Variants in ABCC6 observed in about 807,000 individuals in gnomAD.
ABCC6 encodes ATP-binding cassette sub-family C member 6.
ABCC6 carries 126 observed loss-of-function variants against 169.5 expected under a neutral mutation model. The ratio of observed to expected loss-of-function variants is 0.74; its 90% CI spans 0.64 to 0.86. The LOEUF (loss-of-function observed/expected upper bound fraction) is 0.86. Ranked by LOEUF, ABCC6 falls within the 40% of genes least tolerant of loss-of-function variation. The probability of loss-of-function intolerance (pLI) is 0.00; values close to 1 mark genes in which losing one functional copy is unlikely to be tolerated. For synonymous variants in ABCC6, 752 were observed against 814.7 expected (o/e 0.92, Z 1.31); for missense variants, 1,733 against 1,927.2 (o/e 0.90, Z 1.89).
At chr16:16,167,996 C>A (rs1441565890) in intron 22 of ABCC6, among the ~76,000 whole-genome samples, 1 of 152,180 alleles carries the variant, frequency 6.6e-6, no homozygotes, top group Non-Finnish European at 1.5e-5. Context: ...GTTAAGTAAC[C>A]ATTCGCCTTG....
intron 22 of ABCC6, among the ~76,000 whole-genome samples, chr16:16,167,493 G>A (rs1001181782): frequency 1.3e-5 from 2 of 152,030 alleles, no homozygotes; most frequent in Admixed American, 6.6e-5. Flanking sequence ...ATTTTCAGAC[G>A]GAGTCCTGCT....
rs1567543413 is a variant in ABCC6, at chr16:16,214,356, G to A, written c.568C>T (p.Pro190Ser). ...TGGGGGTCTTCAGGGAAGAAGGGGG[G>A]TTGATCCGCCAGGCAGGACAGCACA... is the stretch of plus-strand genomic sequence containing the variant. ...QFVLSCLADQ[P>S]PFFPEDPQQS... Residue 190 changes from proline (P) to serine (S), a missense_variant, in exon 5 of 31, where the codon CCC (proline) becomes TCC (serine). Physicochemically the swap from Pro to Ser is moderately conservative, Grantham distance 74. This residue lies in a region of ABCC6 where 49 missense variants were observed against 85.8 expected (regional missense o/e 0.57). Transcript: ENST00000205557. The A allele has an allele frequency of 1.9e-6, 3 of 1,550,794 alleles. No individual in the cohort carries two copies. Among genetic ancestry groups the A allele is most frequent in the Admixed American group, 2.0e-5 (1 of 50,936 alleles).
At chr16:16,197,034 A>G (rs1443685645) in intron 10 of ABCC6, among the ~76,000 whole-genome samples, 1 of 152,112 alleles carries the variant, frequency 6.6e-6, no homozygotes, top group Non-Finnish European at 1.5e-5. Context: ...CCTATACCAC[A>G]ACGTTAAAGG....
intron 29 of ABCC6, among the ~76,000 whole-genome samples, 162 bp downstream of exon 29, chr16:16,154,466 G>C (rs1019700363): frequency 6.6e-6 from 1 of 152,158 alleles, no homozygotes; most frequent in African/African-American, 2.4e-5. Context: ...GGTATTCAGA[G>C]ACTGTGTCAG....
rs538418313 is a variant in ABCC6, at chr16:16,191,202, G to A, written c.1432-835C>T. Reference sequence around the variant, plus strand: ...GTGGTCTCGGCTCACTGTAACCTCCGCCTCCTGGGTTCAAGCGATTCTCCT... The same window carrying A: ...GTGGTCTCGGCTCACTGTAACCTCCACCTCCTGGGTTCAAGCGATTCTCCT... On this transcript the variant is annotated intron_variant, in intron 11 of 30. Coordinates refer to ENST00000205557, the MANE Select transcript of ABCC6 (RefSeq NM_001171.6). 5.9e-5 allele frequency among the ~76,000 whole-genome samples: 9 copies of A among 151,968 alleles called. No homozygotes were observed. In the South Asian group the frequency reaches 8.3e-4, roughly 14 times the overall value.
At chr16:16,191,990 G>T (rs11643893) in intron 11 of ABCC6, among the ~76,000 whole-genome samples, 80,209 of 151,938 alleles carry the variant, frequency 0.53, 23,167 homozygotes, top group Non-Finnish European at 0.66. Context: ...GGACCCTGTA[G>T]GTTGTGGGAA....
At chr16:16,165,036 T>C (rs2152227242) in intron 23 of ABCC6, among the ~76,000 whole-genome samples, 1 of 152,366 alleles carries the variant, frequency 6.6e-6, no homozygotes, top group South Asian at 2.1e-4. Flanking sequence ...TTGCAATGCC[T>C]TTTTGGCTTC....
At position 16,154,790 on chromosome 16, in the gene ABCC6, G is replaced by C; in HGVS notation, c.4046C>G (p.Pro1349Arg). 6.2e-7 allele frequency: 1 copy of C among 1,611,374 alleles called. No homozygotes were observed. Among genetic ancestry groups the C allele is most frequent in the South Asian group, 1.1e-5 (1 of 90,516 alleles). Residue 1349 changes from proline to arginine, a missense_variant, in exon 29 of 31, where the codon CCC becomes CGC. Pro to Arg is a moderately radical substitution (Grantham distance 103, BLOSUM62 -2). Transcript: ENST00000205557. ...CCGCAGAGAGCCAGGGAACAGGATG[G>C]GGTCCTGGCGGGGAGGGGCGGTGGG... ...RSRISIIPQD[P>R]ILFPGSLRMN...
chr16:16,172,057 A>ATAAATGAGTGGGTGGGATGGC (rs1567488601), intron 21 of ABCC6, among the ~76,000 whole-genome samples: 1 of 32,830 alleles, frequency 3.0e-5, no homozygotes. Context: ...AGTGGGATGG[A>ATAAATGAGTGGGTGGGATGGC]TAAATGAGTG....
intron 21 of ABCC6, among the ~76,000 whole-genome samples, chr16:16,170,650 G>C (rs2047029571): frequency 6.6e-6 from 1 of 151,996 alleles, no homozygotes; most frequent in South Asian, 2.1e-4. Flanking sequence ...CAGCCAGGAG[G>C]GGTGGCTCAT....
In ABCC6 at chr16:16,150,592, C is replaced by T. The variant is rs2046357867; in HGVS notation, c.4389G>A (p.Val1463=). ...GGGAGCCTTACCGGGCACAGTCCAT[C>T]ACGGAGCGCAGGCGGTGGGCAATGA... ...VLLIAHRLRS[V]MDCARVLVMD... is the part of the protein sequence containing the mutation. The change falls in exon 30 of 31, where the codon GTG becomes GTA. Residue 1463 remains valine, a synonymous_variant. Coordinates refer to ENST00000205557, the MANE Select transcript of ABCC6 (RefSeq NM_001171.6). 6.2e-7 allele frequency: 1 copy of T among 1,611,832 alleles called. No homozygotes were observed. The highest frequency in any genetic ancestry group is 1.3e-5 in the African/African-American group (1 of 75,026).
chr16:16,152,178 G>A (rs1377447023), intron 29 of ABCC6, among the ~76,000 whole-genome samples: 1 of 99,264 alleles, frequency 1.0e-5, no homozygotes, highest in Non-Finnish European at 1.8e-5. Context: ...GGGCGACAGA[G>A]CAAGACTCTG....
At chr16:16,162,101 A>G (rs2046739910) in intron 24 of ABCC6, among the ~76,000 whole-genome samples, 1 of 152,002 alleles carries the variant, frequency 6.6e-6, no homozygotes, top group Admixed American at 6.6e-5. Flanking sequence ...TTCCACCATG[A>G]TTGTAAGTTT....
intron 21 of ABCC6, among the ~76,000 whole-genome samples, chr16:16,170,805 G>A (rs1004733168): frequency 2.7e-5 from 4 of 150,568 alleles, no homozygotes; most frequent in African/African-American, 7.3e-5. Flanking sequence ...TGTAGTCCCA[G>A]CTACTCGAGA....
intron 10 of ABCC6, among the ~76,000 whole-genome samples, chr16:16,197,614 G>T (rs1410763042): frequency 6.7e-6 from 1 of 148,734 alleles, no homozygotes; most frequent in East Asian, 2.0e-4. Context: ...AGGAGGAGGA[G>T]GGGGAAGGAG....
chr16:16,214,381 A>T lies in ABCC6; in HGVS notation c.543T>A (p.Phe181Leu). The change falls in exon 5 of 31, where the codon TTT (phenylalanine) becomes TTA (leucine). Residue 181 changes from phenylalanine to leucine, a missense_variant. Around this residue, in one of 5 missense-constraint regions of ABCC6, gnomAD observed 49 missense variants for 85.8 expected, o/e 0.57. Transcript: ENST00000205557. ...GTTGATCCGCCAGGCAGGACAGCAC[A>T]AACTGTGCCACCACCAGAGACAGGC... The part of the protein sequence containing the change: ...YLCLSLVVAQ[F>L]VLSCLADQPP... 1 of 1,551,288 alleles carries T rather than the reference A, an allele frequency of 6.4e-7. No individual in the cohort carries two copies. Among genetic ancestry groups the T allele is most frequent in the South Asian group, 1.2e-5 (1 of 84,044 alleles).
intron 15 of ABCC6, among the ~76,000 whole-genome samples, chr16:16,183,865 T>C (rs1326105592): frequency 1.3e-5 from 2 of 152,062 alleles, no homozygotes; most frequent in Non-Finnish European, 2.9e-5. Context: ...GGCACTCTCC[T>C]GCCCCAGGAC....
intron 2 of ABCC6, among the ~76,000 whole-genome samples, chr16:16,220,982 G>A (rs528190809): frequency 2.1e-3 from 316 of 151,946 alleles, no homozygotes; most frequent in Non-Finnish European, 3.3e-3. Flanking sequence ...GAATGGCAGA[G>A]TTCAGTGTTC....
At chr16:16,161,698 A>G in intron 24 of ABCC6, 134 bp from the exon 25 acceptor site, 1 of 1,188,690 alleles carries the variant, frequency 8.4e-7, no homozygotes, top group Non-Finnish European at 1.2e-6. Flanking sequence ...CATGCAACCC[A>G]GGCTCAGGGA....
Sources: gnomAD v4.1 joint callset for allele counts (sites outside exome capture counted in the v4.1 genomes callset) on GRCh38, gnomAD v4.1.1 for gene constraint, gnomAD v4.1.1 regional missense constraint, MANE v1.5 for transcripts, NCBI Gene and HGNC (gene_info 2026-07-23, HGNC 2026-07-21) for gene names.